SHROOM4: variants seen among roughly 807,000 people sequenced by gnomAD.
SHROOM4 encodes the protein shroom family member 4.
Under a neutral mutation model 80.3 loss-of-function variants are expected in SHROOM4, and 17 were observed. The observed-to-expected ratio is 0.21, with a 90% CI of 0.14 to 0.32. The LOEUF is 0.32. SHROOM4 is among the 10% of genes least tolerant of loss of function. The probability of loss-of-function intolerance (pLI) is 1.00; values close to 1 mark genes in which losing one functional copy is unlikely to be tolerated. For missense variants in SHROOM4, 993 were observed against 1,140.3 expected, an observed-to-expected ratio of 0.87 and a Z score of 1.86; for synonymous variants, 400 against 437.5, an observed-to-expected ratio of 0.91 and a Z score of 1.07.
intron 3 of SHROOM4, among the ~76,000 whole-genome samples, chrX:50,637,038 T>C (rs943578495): frequency 9.0e-6 from 1 of 111,238 alleles, no homozygotes; most frequent in Non-Finnish European, 1.9e-5. Context: ...ATTGATAATA[T>C]AGGGGCCTCT....
At chrX:50,719,430 G>A (rs1368235120) in intron 1 of SHROOM4, among the ~76,000 whole-genome samples, 2 of 111,364 alleles carry the variant, frequency 1.8e-5, no homozygotes, top group African/African-American at 3.3e-5. Flanking sequence ...AATCAGAGTC[G>A]CCAATTTTAT....
chrX:50,615,098 TTGTGTG>T (rs58621277), intron 5 of SHROOM4, among the ~76,000 whole-genome samples: 4,386 of 98,286 alleles, frequency 0.045, 204 homozygotes, highest in African/African-American at 0.14. Flanking sequence ...GATTCTCTTA[TTGTGTG>T]TGTGTGTGTG....
In SHROOM4 at chrX:50,710,290, TAAAGA is replaced by T. The variant is rs782465128; in HGVS notation, c.118-14358_118-14354del. ...AAGTGTCCATCAGTGGTGGGTCAGATAAAGAAAAGGTGATACATATATACCATGGA... is the reference window on the plus strand; with the variant it reads ...AAGTGTCCATCAGTGGTGGGTCAGATAAAGGTGATACATATATACCATGGA... On this transcript the variant is annotated intron_variant, in intron 1 of 8. Transcript: ENST00000376020. Among the ~76,000 whole-genome samples, 221 of 111,703 alleles carry T rather than the reference TAAAGA, an allele frequency of 2.0e-3. 1 individual carries two copies. The highest frequency in any genetic ancestry group is 3.6e-3 in the Admixed American group (38 of 10,539).
chrX:50,623,226 T>C (rs7049402), intron 5 of SHROOM4, among the ~76,000 whole-genome samples: 45,478 of 110,087 alleles, frequency 0.41, 7,283 homozygotes, highest in African/African-American at 0.55. Flanking sequence ...CTCGTTCTGT[T>C]GCCCAGGCTG....
downstream of SHROOM4, among the ~76,000 whole-genome samples, chrX:50,585,795 T>C (rs1234705159): frequency 1.8e-5 from 2 of 111,448 alleles, no homozygotes; most frequent in Non-Finnish European, 3.8e-5. Context: ...GATACATGGT[T>C]TTTCTCACTC....
chrX:50,753,602 A>G (rs1476483467), intron 1 of SHROOM4, among the ~76,000 whole-genome samples: 4 of 111,810 alleles, frequency 3.6e-5, no homozygotes, highest in Admixed American at 2.9e-4. Flanking sequence ...CAAGTTTAAT[A>G]TCACACCAGA....
chrX:50,576,196 A>G, the SHROOM4 span, among the ~76,000 whole-genome samples: 1 of 111,954 alleles, frequency 8.9e-6, no homozygotes, highest in Non-Finnish European at 1.9e-5. Context: ...CTGGTCACTT[A>G]TCATTACTGG....
chrX:50,646,527 A>AGTGTGTGTGTGTGT (rs782016561), intron 2 of SHROOM4, among the ~76,000 whole-genome samples: 24 of 78,779 alleles, frequency 3.0e-4, no homozygotes, highest in Non-Finnish European at 5.2e-4. Flanking sequence ...AGGGGGGAAG[A>AGTGTGTGTGTGTGT]GTGTGTGTGT....
intron 1 of SHROOM4, among the ~76,000 whole-genome samples, chrX:50,722,944 A>T (rs781930509): frequency 9.0e-6 from 1 of 110,558 alleles, no homozygotes; most frequent in East Asian, 2.9e-4. Context: ...TAAAATTACC[A>T]TACCATAAAA....
At chrX:50,628,394 G>T (rs1930903008) in intron 4 of SHROOM4, among the ~76,000 whole-genome samples, 2 of 110,591 alleles carry the variant, frequency 1.8e-5, no homozygotes, top group African/African-American at 6.6e-5. Context: ...TGTGCCGTTT[G>T]TAAAACTGTC....
intron 2 of SHROOM4, among the ~76,000 whole-genome samples, chrX:50,647,043 G>T (rs1931867530): frequency 1.8e-5 from 2 of 111,778 alleles, no homozygotes; most frequent in African/African-American, 6.5e-5. Context: ...TTGGCAGGAA[G>T]TAACCATACA....
intron 5 of SHROOM4, among the ~76,000 whole-genome samples, chrX:50,612,620 A>G (rs1387514317): frequency 1.8e-5 from 2 of 111,670 alleles, no homozygotes; most frequent in Non-Finnish European, 3.8e-5. Context: ...AGATGCAAAA[A>G]TCTTAAATAA....
chrX:50,607,587 G>T lies in SHROOM4; in HGVS notation c.3555C>A (p.Pro1185=), dbSNP rs1929722685. The change falls in exon 6 of 9, where the codon CCC becomes CCA. Residue 1185 remains proline (P), a synonymous_variant. Transcript: ENST00000376020. ...AGCCCTCCAGGTGGCCAAAGCTGAG[G>T]GGTTGTGGCTGCTCTAGGACCTCCT... ...NPEEVLEQPQ[P]LSFGHLEGSR... 1 of 1,211,634 alleles carries T rather than the reference G, an allele frequency of 8.3e-7. No individual in the cohort carries two copies. Among genetic ancestry groups the T allele is most frequent in the Non-Finnish European group, 1.1e-6 (1 of 895,471 alleles).
intron 3 of SHROOM4, among the ~76,000 whole-genome samples, chrX:50,637,558 G>C (rs1931409305): frequency 8.9e-6 from 1 of 112,637 alleles, no homozygotes; most frequent in South Asian, 3.7e-4. Context: ...TCACCGAATT[G>C]GGGTAAACGC....
chrX:50,679,444 A>G (rs1266910507), intron 2 of SHROOM4, among the ~76,000 whole-genome samples: 1 of 111,786 alleles, frequency 8.9e-6, no homozygotes, highest in Non-Finnish European at 1.9e-5. Flanking sequence ...CTTGCTACTG[A>G]ATTATTTCCA....
intron 7 of SHROOM4, among the ~76,000 whole-genome samples, chrX:50,601,779 C>G: frequency 8.9e-6 from 1 of 111,906 alleles, no homozygotes; most frequent in Admixed American, 9.4e-5. Flanking sequence ...AGTTTGCCAG[C>G]CTATAAGTTG....
At chrX:50,733,860 T>TA (rs781803857) in intron 1 of SHROOM4, among the ~76,000 whole-genome samples, 1 of 111,945 alleles carries the variant, frequency 8.9e-6, no homozygotes, top group East Asian at 2.8e-4. Flanking sequence ...CATGATCTTA[T>TA]ATATAGAAAA....
chrX:50,788,253 T>A (rs1935786045), intron 1 of SHROOM4, among the ~76,000 whole-genome samples: 1 of 111,821 alleles, frequency 8.9e-6, no homozygotes, highest in Non-Finnish European at 1.9e-5. Flanking sequence ...CAGCTTAAAA[T>A]AGCCTACAAT....
intron 1 of SHROOM4, among the ~76,000 whole-genome samples, chrX:50,704,250 T>C (rs1001017805): frequency 1.8e-5 from 2 of 112,094 alleles, no homozygotes; most frequent in African/African-American, 6.5e-5. Flanking sequence ...TTTCAAACTG[T>C]GCATTAATAC....
Sources: allele counts gnomAD v4.1 joint callset (sites outside exome capture counted in the v4.1 genomes callset), GRCh38; gene constraint gnomAD v4.1.1; transcripts MANE v1.5; gene names NCBI Gene and HGNC (gene_info 2026-07-23, HGNC 2026-07-21).